RBM25: variants seen among roughly 807,000 people sequenced by gnomAD.
RBM25 encodes the protein RNA binding motif protein 25.
In RBM25, 19 loss-of-function variants were observed where a neutral mutation model predicts 120.7. That is an observed-to-expected ratio of 0.16 (90% CI 0.11 to 0.23). The LOEUF (loss-of-function observed/expected upper bound fraction) is 0.23. Among genes scored for constraint, RBM25 ranks in the 10% least tolerant of loss-of-function variants. RBM25 has a pLI of 1.00. For missense variants in RBM25, 605 were observed against 1,041.5 expected (o/e 0.58, Z 5.77); for synonymous variants, 390 against 326.7 (o/e 1.19, Z -2.09).
intron 4 of RBM25, among the ~76,000 whole-genome samples, chr14:73,080,159 A>G (rs1425998540): frequency 1.4e-5 from 2 of 143,068 alleles, no homozygotes; most frequent in South Asian, 2.2e-4. Context: ...TTCCACACCA[A>G]TTTATTTATA....
Position 73,120,868 on chromosome 14 carries a change from T to G in RBM25, c.*1063T>G, listed in dbSNP as rs898604303. The G allele has an allele frequency of 3.9e-5, 6 of 152,220 alleles. No homozygotes were observed. The highest frequency in any genetic ancestry group is 1.4e-4 in the African/African-American group (6 of 41,468). The allele number at this position is 152,220 out of a possible 1,614,324, so 9.4% of individuals were successfully genotyped here. On this transcript the variant is annotated 3_prime_UTR_variant, in exon 19 of 19. Transcript: ENST00000261973. ...CGGCAATTTGTAAGTTTACATGTTA[T>G]TTAAGGATAAAGGTAAATCATTCAA...
chr14:73,074,301 C>T (rs1168502260), intron 2 of RBM25, among the ~76,000 whole-genome samples: 1 of 152,106 alleles, frequency 6.6e-6, no homozygotes, highest in Non-Finnish European at 1.5e-5. Flanking sequence ...CTTAATGTGG[C>T]CTCTATCTCC....
Position 73,110,817 on chromosome 14 carries a change from T to C in RBM25, c.1693-14T>C, listed in dbSNP as rs1295266726. On this transcript the variant is annotated splice_polypyrimidine_tract_variant and intron_variant, in intron 14 of 18. Coordinates refer to ENST00000261973, the MANE Select transcript of RBM25 (RefSeq NM_021239.3). ...GTAGAGTTGTAGTTAATCAGATTATTGTTTGGGTTTTAGATGGAACAAGAG... is the reference window on the plus strand; with the variant it reads ...GTAGAGTTGTAGTTAATCAGATTATCGTTTGGGTTTTAGATGGAACAAGAG... 6.3e-7 allele frequency: 1 copy of C among 1,591,192 alleles called. No homozygotes were observed. The highest frequency in any genetic ancestry group is 8.5e-7 in the Non-Finnish European group (1 of 1,173,192).
At chr14:73,083,393 T>C in intron 4 of RBM25, 101 bp from the exon 5 acceptor site, 1 of 930,452 alleles carries the variant, frequency 1.1e-6, no homozygotes, top group Non-Finnish European at 1.5e-6. Context: ...TTTTTTATTT[T>C]ATGTTTTTTA....
chr14:73,121,309 T>G lies in RBM25; in HGVS notation c.*1504T>G, dbSNP rs1896537470. 6.6e-6 allele frequency: 1 copy of G among 152,596 alleles called. No individual in the cohort carries two copies. Among genetic ancestry groups the G allele is most frequent in the Non-Finnish European group, 1.5e-5 (1 of 68,034 alleles). The allele number at this position is 152,596 out of a possible 1,614,324, so 9.5% of individuals were successfully genotyped here. ...ATTTCAAATATTAAAAATGTATATA[T>G]TTGATCCTGGGGACTCATATTCTTT... On this transcript the variant is annotated 3_prime_UTR_variant, in exon 19 of 19. Coordinates refer to ENST00000261973, the MANE Select transcript of RBM25 (RefSeq NM_021239.3).
chr14:73,112,291 A>G (rs774945694), intron 17 of RBM25, 41 bp downstream of exon 17: 70 of 1,491,682 alleles, frequency 4.7e-5, no homozygotes, highest in Non-Finnish European at 5.9e-5. Flanking sequence ...TTTATTTTAT[A>G]TATTAAAATA....
At chr14:73,077,307 A>G in intron 3 of RBM25, 62 bp from the exon 4 acceptor site, 1 of 1,403,498 alleles carries the variant, frequency 7.1e-7, no homozygotes, top group Non-Finnish European at 9.9e-7. Context: ...TTTTAGCCTA[A>G]TGTTAATTGT....
intron 18 of RBM25, among the ~76,000 whole-genome samples, chr14:73,117,003 A>G (rs1896442469): frequency 6.6e-6 from 1 of 151,902 alleles, no homozygotes; most frequent in African/African-American, 2.4e-5. Flanking sequence ...TACCTTTTTC[A>G]TTTTATGTAA....
chr14:73,059,183 A>C (rs761154187), intron 1 of RBM25: 1 of 152,208 alleles, frequency 6.6e-6, no homozygotes. Flanking sequence ...GGTGCTGGCC[A>C]CCAACGGATA....
intron 12 of RBM25, among the ~76,000 whole-genome samples, chr14:73,106,663 A>G (rs141089283): frequency 1.6e-4 from 25 of 152,156 alleles, no homozygotes; most frequent in Non-Finnish European, 2.6e-4. Context: ...TATCTCATGG[A>G]TTGTTTACTA....
At position 73,099,249 on chromosome 14, in the gene RBM25, T is replaced by G. The variant is rs1348532279; in HGVS notation, c.730-131T>G. ...GAAATCACTTCTATTCCCAAGTAAT[T>G]TGAAATCAAGAAAGCATCACAGAAG... On this transcript the variant is annotated intron_variant, in intron 7 of 18. Coordinates refer to ENST00000261973, the MANE Select transcript of RBM25 (RefSeq NM_021239.3). The G allele has an allele frequency of 5.1e-6, 4 of 782,556 alleles. No homozygotes were observed. The East Asian group carries it at 8.4e-5, about 16-fold the overall frequency. 48.5% of individuals were successfully genotyped at this position (782,556 alleles called of 1,614,324 possible).
At chr14:73,119,663 T>C in intron 18 of RBM25, 50 bp from the exon 19 acceptor site, 1 of 1,604,042 alleles carries the variant, frequency 6.2e-7, no homozygotes, top group Non-Finnish European at 8.5e-7. Flanking sequence ...TTTTGGCAGA[T>C]GTTGATGATT....
At position 73,110,879 on chromosome 14, in the gene RBM25, C is replaced by A; in HGVS notation, c.1741C>A (p.Pro581Thr). The change falls in exon 15 of 19, where the codon CCA becomes ACA. Residue 581 changes from proline (P) to threonine (T), a missense_variant. Around this residue, in one of 4 missense-constraint regions of RBM25, gnomAD observed 465 missense variants for 741.6 expected, o/e 0.63. Transcript: ENST00000261973. ...RRRQPQIKQE[P>T]ESEEEEEEKQ... ...CAGGCAGCCACAAATAAAGCAAGAG[C>A]CAGAATCAGAAGAGGAGGAAGAAGA... is the stretch of plus-strand genomic sequence containing the variant. The A allele has an allele frequency of 6.2e-7, 1 of 1,612,624 alleles. No homozygotes were observed. Among genetic ancestry groups the A allele is most frequent in the Non-Finnish European group, 8.5e-7 (1 of 1,179,558 alleles).
At chr14:73,103,703 C>T (rs570310264) in intron 10 of RBM25, among the ~76,000 whole-genome samples, 7 of 152,072 alleles carry the variant, frequency 4.6e-5, no homozygotes, top group African/African-American at 1.7e-4. Context: ...CAGGTTCATA[C>T]CACCATGCCC....
chr14:73,066,912 A>G (rs1426908125), intron 1 of RBM25, among the ~76,000 whole-genome samples: 1 of 152,086 alleles, frequency 6.6e-6, no homozygotes, highest in Non-Finnish European at 1.5e-5. Flanking sequence ...ATAAGAGTAT[A>G]TTTTACTTAT....
intron 10 of RBM25, among the ~76,000 whole-genome samples, chr14:73,104,015 C>CTCTT (rs1475148278): frequency 1.3e-5 from 2 of 151,146 alleles, no homozygotes; most frequent in East Asian, 3.9e-4. Context: ...CTCTCTCTCT[C>CTCTT]TCACTATGGG....
intron 4 of RBM25, among the ~76,000 whole-genome samples, chr14:73,078,978 T>G (rs2140433267): frequency 6.6e-6 from 1 of 152,334 alleles, no homozygotes; most frequent in Non-Finnish European, 1.5e-5. Flanking sequence ...CAATGATGAT[T>G]GACTGATTCC....
intron 1 of RBM25, chr14:73,068,232 A>G (rs972409653): frequency 1.4e-5 from 12 of 872,716 alleles, no homozygotes; most frequent in Admixed American, 8.8e-5. Context: ...CAGATGAGAA[A>G]TGCCTCTTTA....
Position 73,099,332 on chromosome 14 carries a change from G to T in RBM25, c.730-48G>T. On this transcript the variant is annotated intron_variant, in intron 7 of 18. Coordinates refer to ENST00000261973, the MANE Select transcript of RBM25 (RefSeq NM_021239.3). Reference sequence around the variant, plus strand: ...GGCATTGCTTTGCAGATTAGTATGAGCTCTGTTTTTCTTTTTTAAAAAAGA... The same window carrying T: ...GGCATTGCTTTGCAGATTAGTATGATCTCTGTTTTTCTTTTTTAAAAAAGA... The T allele has an allele frequency of 2.0e-6, 3 of 1,536,886 alleles. 1 individual carries two copies. Among genetic ancestry groups the T allele is most frequent in the Non-Finnish European group, 2.7e-6 (3 of 1,126,176 alleles).
Sources: gnomAD v4.1 joint callset for allele counts (sites outside exome capture counted in the v4.1 genomes callset) on GRCh38, gnomAD v4.1.1 for gene constraint, gnomAD v4.1.1 regional missense constraint, MANE v1.5 for transcripts, NCBI Gene and HGNC (gene_info 2026-07-23, HGNC 2026-07-21) for gene names.